Variants in OSBPL1A observed in about 807,000 individuals in gnomAD.
OSBPL1A encodes the protein oxysterol-binding protein-related protein 1.
Under a neutral mutation model 137.1 loss-of-function variants are expected in OSBPL1A, and 80 were observed. That is an observed-to-expected ratio of 0.58 (90% CI 0.49 to 0.70). The LOEUF (loss-of-function observed/expected upper bound fraction) is 0.70, where lower values mean the gene tolerates loss of function less well. Among genes scored for constraint, OSBPL1A ranks in the 30% least tolerant of loss-of-function variants. OSBPL1A has a pLI of 0.00. For synonymous variants in OSBPL1A, 365 were observed against 389.7 expected (o/e 0.94, Z 0.75); for missense variants, 970 against 1,129.4 (o/e 0.86, Z 2.02).
chr18:24,241,410 T>A (rs533514715), intron 15 of OSBPL1A, among the ~76,000 whole-genome samples: 75 of 152,068 alleles, frequency 4.9e-4, no homozygotes, highest in African/African-American at 1.8e-3. Flanking sequence ...GAATCTACAA[T>A]GAACTTAAAC....
chr18:24,358,137 G>C (rs1427251694), intron 4 of OSBPL1A: 5 of 371,664 alleles, frequency 1.3e-5, no homozygotes, highest in Admixed American at 8.6e-5. Flanking sequence ...ACTCAGGTGT[G>C]TCCTGGTATT....
intron 16 of OSBPL1A, among the ~76,000 whole-genome samples, chr18:24,238,149 C>T (rs1458254153): frequency 6.6e-6 from 1 of 152,158 alleles, no homozygotes; most frequent in African/African-American, 2.4e-5. Context: ...ATCTTCAGTT[C>T]TCATCTCTCC....
intron 18 of OSBPL1A, among the ~76,000 whole-genome samples, chr18:24,182,370 A>G (rs1599449432): frequency 6.6e-6 from 1 of 152,372 alleles, no homozygotes; most frequent in East Asian, 1.9e-4. Flanking sequence ...CTTGGTATTT[A>G]CCGGAATATT....
chr18:24,309,904 G>A (rs939900935), intron 13 of OSBPL1A, among the ~76,000 whole-genome samples: 3 of 151,854 alleles, frequency 2.0e-5, no homozygotes, highest in African/African-American at 7.3e-5. Flanking sequence ...AAAATTAGCT[G>A]GGCATGGTGT....
At chr18:24,274,558 G>A (rs922365551) in intron 15 of OSBPL1A, among the ~76,000 whole-genome samples, 1 of 152,124 alleles carries the variant, frequency 6.6e-6, no homozygotes, top group Non-Finnish European at 1.5e-5. Flanking sequence ...AAGGTCACTC[G>A]CAGAAACCTA....
At chr18:24,172,946 C>T (rs563644698) in intron 21 of OSBPL1A, among the ~76,000 whole-genome samples, 3 of 152,202 alleles carry the variant, frequency 2.0e-5, no homozygotes, top group South Asian at 2.1e-4. Flanking sequence ...GATACATGCA[C>T]GGGAATGTTC....
intron 17 of OSBPL1A, among the ~76,000 whole-genome samples, chr18:24,205,925 CT>C (rs1196801629): frequency 6.6e-6 from 1 of 152,220 alleles, no homozygotes; most frequent in Admixed American, 6.5e-5. Context: ...GAGTCTCGAT[CT>C]GTCACCCAGG....
At chr18:24,329,348 G>A (rs570617403) in intron 7 of OSBPL1A, among the ~76,000 whole-genome samples, 2 of 152,208 alleles carry the variant, frequency 1.3e-5, no homozygotes, top group African/African-American at 4.8e-5. Context: ...TCAGGAATTT[G>A]AGACCAGCCT....
chr18:24,174,574 G>A (rs747053107), intron 21 of OSBPL1A, among the ~76,000 whole-genome samples: 18 of 151,976 alleles, frequency 1.2e-4, no homozygotes, highest in African/African-American at 2.7e-4. Context: ...TTTAAAAAAC[G>A]GATACTCAAC....
At chr18:24,198,549 T>C (rs1386201119) in intron 17 of OSBPL1A, among the ~76,000 whole-genome samples, 1 of 152,030 alleles carries the variant, frequency 6.6e-6, no homozygotes, top group Non-Finnish European at 1.5e-5. Context: ...ACAGAGCCCA[T>C]GTTATTTTCT....
chr18:24,227,548 T>G (rs2088124861), intron 16 of OSBPL1A, among the ~76,000 whole-genome samples: 1 of 152,198 alleles, frequency 6.6e-6, no homozygotes. Context: ...GACAGAAGTT[T>G]GTTTAGGGCA....
At chr18:24,283,427 CTTCT>C (rs2090006214) in intron 14 of OSBPL1A, among the ~76,000 whole-genome samples, 1 of 151,462 alleles carries the variant, frequency 6.6e-6, no homozygotes, top group Non-Finnish European at 1.5e-5. Context: ...CTCTTGTTAG[CTTCT>C]TTAATAAAGC....
At chr18:24,302,556 T>C (rs573972289) in intron 14 of OSBPL1A, 4 of 152,108 alleles carry the variant, frequency 2.6e-5, no homozygotes, top group Non-Finnish European at 5.9e-5. Context: ...CTTGAGTAGA[T>C]GGTTACAGGC....
At chr18:24,343,207 A>G (rs1568040280) in intron 4 of OSBPL1A, among the ~76,000 whole-genome samples, 1 of 152,156 alleles carries the variant, frequency 6.6e-6, no homozygotes, top group Non-Finnish European at 1.5e-5. Flanking sequence ...ACCAAGAAAA[A>G]CAATTCTATT....
chr18:24,198,186 G>A (rs1324313399), intron 17 of OSBPL1A, among the ~76,000 whole-genome samples: 1 of 152,196 alleles, frequency 6.6e-6, no homozygotes, highest in Non-Finnish European at 1.5e-5. Flanking sequence ...AATGAGGGCT[G>A]TCATTCACCC....
At position 24,314,284 on chromosome 18, in the gene OSBPL1A, G is replaced by A. The variant is rs758566297; in HGVS notation, c.934C>T (p.Arg312Trp). 50 of 1,610,852 alleles carry A rather than the reference G, an allele frequency of 3.1e-5. 1 individual carries two copies. Among genetic ancestry groups the A allele is most frequent in the Non-Finnish European group, 3.6e-5 (42 of 1,178,962 alleles). Reference sequence around the variant, plus strand: ...TGCTGAAGGCTATTCTTAGGAACCCGGAAGCCATGAATGGTGTCATCAAAG... The same window carrying A: ...TGCTGAAGGCTATTCTTAGGAACCCAGAAGCCATGAATGGTGTCATCAAAG... Reference protein sequence around the residue: ...KCFDDTIHGFRVPKNSLQQSR... With the variant: ...KCFDDTIHGFWVPKNSLQQSR... Residue 312 changes from arginine (R) to tryptophan (W), a missense_variant, in exon 12 of 28, where the codon CGG (arginine) becomes TGG (tryptophan). Around this residue, in one of 2 missense-constraint regions of OSBPL1A, gnomAD observed 647 missense variants for 672.6 expected, o/e 0.96. Coordinates refer to ENST00000319481, the MANE Select transcript of OSBPL1A (RefSeq NM_080597.4).
At chr18:24,273,171 G>A (rs1325534662) in intron 15 of OSBPL1A, among the ~76,000 whole-genome samples, 1 of 152,192 alleles carries the variant, frequency 6.6e-6, no homozygotes, top group Non-Finnish European at 1.5e-5. Flanking sequence ...GCCTCCCAAA[G>A]TGCTGGGATT....
intron 12 of OSBPL1A, among the ~76,000 whole-genome samples, chr18:24,312,730 T>A (rs1001850392): frequency 5.3e-5 from 8 of 152,230 alleles, no homozygotes; most frequent in African/African-American, 1.9e-4. Context: ...TTAGATTGTT[T>A]AGGGTTCTTT....
intron 1 of OSBPL1A, among the ~76,000 whole-genome samples, chr18:24,388,905 T>G (rs1053337551): frequency 6.6e-6 from 1 of 151,960 alleles, no homozygotes; most frequent in Non-Finnish European, 1.5e-5. Flanking sequence ...ATTTGATGCA[T>G]CTTTAATTCG....
Sources: gnomAD v4.1 joint callset for allele counts (sites outside exome capture counted in the v4.1 genomes callset) on GRCh38, gnomAD v4.1.1 for gene constraint, gnomAD v4.1.1 regional missense constraint, MANE v1.5 for transcripts, NCBI Gene and HGNC (gene_info 2026-07-23, HGNC 2026-07-21) for gene names.